The following CDH13 variants were observed in gnomAD, a reference collection of about 807,000 sequenced individuals.
CDH13 encodes cadherin 13.
Under a neutral mutation model 63.8 loss-of-function variants are expected in CDH13, and 24 were observed. The ratio of observed to expected loss-of-function variants is 0.38; its 90% CI spans 0.27 to 0.53. CDH13 has a LOEUF of 0.53. Among genes scored for constraint, CDH13 ranks in the 20% least tolerant of loss-of-function variants. The probability of loss-of-function intolerance (pLI) is 0.85; values close to 1 mark genes in which losing one functional copy is unlikely to be tolerated. For missense variants in CDH13, 1,049 were observed against 903.1 expected, an observed-to-expected ratio of 1.16 and a Z score of -2.07; for synonymous variants, 503 against 355.3, an observed-to-expected ratio of 1.42 and a Z score of -4.67.
intron 1 of CDH13, among the ~76,000 whole-genome samples, chr16:82,700,854 A>C (rs1422966434): frequency 2.7e-5 from 4 of 149,812 alleles, no homozygotes; most frequent in African/African-American, 9.8e-5. Context: ...AATGATTACT[A>C]TTCAGAACAC....
intron 5 of CDH13, among the ~76,000 whole-genome samples, chr16:83,331,819 T>C (rs2090486149): frequency 6.6e-6 from 1 of 152,228 alleles, no homozygotes; most frequent in Non-Finnish European, 1.5e-5. Context: ...AGTGTTGTAC[T>C]TTCTGCAGAT....
At chr16:82,739,259 C>A (rs1028221681) in intron 1 of CDH13, among the ~76,000 whole-genome samples, 1 of 152,024 alleles carries the variant, frequency 6.6e-6, no homozygotes, top group Non-Finnish European at 1.5e-5. Context: ...ATGATATGCC[C>A]TTATGTGTGA....
intron 1 of CDH13, among the ~76,000 whole-genome samples, chr16:82,718,128 C>T (rs1482449646): frequency 6.6e-6 from 1 of 152,118 alleles, no homozygotes; most frequent in African/African-American, 2.4e-5. Flanking sequence ...GAAAGGGCAG[C>T]CAGTGATGGG....
At chr16:82,676,747 C>T (rs116444546) in intron 1 of CDH13, among the ~76,000 whole-genome samples, 3,213 of 152,190 alleles carry the variant, frequency 0.021, 108 homozygotes, top group African/African-American at 0.073. Flanking sequence ...TTTCTGAGAC[C>T]AGCCCCTCCA....
At chr16:83,673,560 ACT>A (rs148629053) in intron 9 of CDH13, among the ~76,000 whole-genome samples, 11,350 of 152,104 alleles carry the variant, frequency 0.075, 683 homozygotes, top group African/African-American at 0.17. Context: ...ACAGAGTGAG[ACT>A]CTGTCTCAAA....
chr16:83,481,921 G>C (rs1047034916), intron 6 of CDH13, among the ~76,000 whole-genome samples: 6 of 152,208 alleles, frequency 3.9e-5, no homozygotes, highest in Non-Finnish European at 5.9e-5. Context: ...TGGACATGGA[G>C]TCCAGTGTGT....
At chr16:83,354,785 G>A (rs182872965) in intron 6 of CDH13, among the ~76,000 whole-genome samples, 14 of 152,306 alleles carry the variant, frequency 9.2e-5, no homozygotes, top group African/African-American at 2.6e-4. Flanking sequence ...GGGCAAGATC[G>A]TTCTGAGCAT....
Position 82,925,101 on chromosome 16 carries a change from AT to A in CDH13, c.157+66629del, listed in dbSNP as rs1264366949. Among the ~76,000 whole-genome samples, 4 of 152,298 alleles carry A rather than the reference AT, an allele frequency of 2.6e-5. No homozygotes were observed. In the East Asian group the frequency reaches 7.7e-4, roughly 29 times the overall value. On this transcript the variant is annotated intron_variant, in intron 2 of 13. Transcript: ENST00000567109. ...TCCCTGCCATGAAATGCCAGACTTC[AT>A]GCTGCAAGATTCCCCTAGTTGAGGG... is the stretch of plus-strand genomic sequence containing the variant.
rs570200423 is a variant in CDH13 at position 82,817,505 on chromosome 16, A to G, written c.46-40857A>G. On this transcript the variant is annotated intron_variant, in intron 1 of 13. Coordinates refer to ENST00000567109, the MANE Select transcript of CDH13 (RefSeq NM_001257.5). ...TAGTTACACTTAAATGCACACACAT[A>G]TATACATACAAATATAGAGTGGGTG... Among the ~76,000 whole-genome samples, 172 of 152,206 alleles carry G rather than the reference A, an allele frequency of 1.1e-3. 1 individual carries two copies. The highest frequency in any genetic ancestry group is 3.2e-3 in the Middle Eastern group (1 of 316).
chr16:83,484,076 A>T (rs2073833320), intron 6 of CDH13, among the ~76,000 whole-genome samples: 1 of 152,206 alleles, frequency 6.6e-6, no homozygotes, highest in African/African-American at 2.4e-5. Flanking sequence ...CATTGGTGAA[A>T]ATAGCTGAGA....
chr16:83,520,715 G>A (rs1318706618), intron 7 of CDH13, among the ~76,000 whole-genome samples: 1 of 152,106 alleles, frequency 6.6e-6, no homozygotes, highest in Non-Finnish European at 1.5e-5. Context: ...TGGAACACTT[G>A]CAGGAATGTG....
intron 5 of CDH13, among the ~76,000 whole-genome samples, chr16:83,309,760 C>T (rs1388745313): frequency 1.3e-5 from 2 of 152,212 alleles, no homozygotes; most frequent in Non-Finnish European, 2.9e-5. Flanking sequence ...GGACATGAGC[C>T]TCAGCCTTCT....
intron 2 of CDH13, among the ~76,000 whole-genome samples, chr16:82,995,941 C>T (rs1260015340): frequency 6.6e-6 from 1 of 152,160 alleles, no homozygotes; most frequent in Non-Finnish European, 1.5e-5. Flanking sequence ...AAATCACAAT[C>T]CTCATACCCT....
chr16:82,792,128 C>A (rs1391307207), intron 1 of CDH13, among the ~76,000 whole-genome samples: 1 of 152,120 alleles, frequency 6.6e-6, no homozygotes, highest in Non-Finnish European at 1.5e-5. Context: ...TTCACATAAA[C>A]CATCCATCTC....
At chr16:83,405,261 C>T (rs1361641454) in intron 6 of CDH13, among the ~76,000 whole-genome samples, 1 of 152,176 alleles carries the variant, frequency 6.6e-6, no homozygotes, top group Non-Finnish European at 1.5e-5. Context: ...AGCTTATCCC[C>T]CATCCCCCTG....
intron 6 of CDH13, among the ~76,000 whole-genome samples, chr16:83,434,787 C>A (rs867769042): frequency 6.6e-6 from 1 of 150,834 alleles, no homozygotes; most frequent in South Asian, 2.1e-4. Context: ...CAATTTCTCT[C>A]TTGGACTCTT....
At chr16:82,629,014 C>G (rs1907691049) in intron 1 of CDH13, among the ~76,000 whole-genome samples, 1 of 152,234 alleles carries the variant, frequency 6.6e-6, no homozygotes, top group Non-Finnish European at 1.5e-5. Context: ...GAGCACTTAC[C>G]ATTGCCTTGT....
At position 83,783,405 on chromosome 16, in the gene CDH13, C is replaced by T. The variant is rs769368103; in HGVS notation, c.2067C>T (p.Cys689=). The T allele has an allele frequency of 3.1e-6, 5 of 1,613,880 alleles. No individual in the cohort carries two copies. Among genetic ancestry groups the T allele is most frequent in the East Asian group, 2.2e-5 (1 of 44,884 alleles). The part of the protein sequence containing the change: ...VCSCRNSKVD[C]NAAGALRFSL... ...CCTGCAGGAATTCCAAAGTGGACTG[C>T]AACGCGGCAGGGGCCCTGCGCTTCA... The change falls in exon 13 of 14, where the codon TGC becomes TGT. Residue 689 remains cysteine, a synonymous_variant. Coordinates refer to ENST00000567109, the MANE Select transcript of CDH13 (RefSeq NM_001257.5).
chr16:83,057,646 A>AT (rs1350697416), intron 3 of CDH13, among the ~76,000 whole-genome samples: 1 of 151,386 alleles, frequency 6.6e-6, no homozygotes, highest in African/African-American at 2.4e-5. Context: ...AGCATGACAC[A>AT]CAAAACCATC....
Sources: allele counts gnomAD v4.1 joint callset (sites outside exome capture counted in the v4.1 genomes callset), GRCh38; gene constraint gnomAD v4.1.1; transcripts MANE v1.5; gene names NCBI Gene and HGNC (gene_info 2026-07-23, HGNC 2026-07-21).